SPMAP2L: variants seen among roughly 807,000 people sequenced by gnomAD.
SPMAP2L encodes sperm microtubule associated protein 2-like.
the SPMAP2L span, among the ~76,000 whole-genome samples, chr4:56,624,839 C>A: frequency 6.6e-6 from 1 of 152,182 alleles, no homozygotes; most frequent in East Asian, 1.9e-4. Flanking sequence ...TCTTCTAGGG[C>A]AGTGTGGAAG....
chr4:56,594,250 A>T, the SPMAP2L span: 9 of 1,591,632 alleles, frequency 5.7e-6, no homozygotes, highest in Non-Finnish European at 7.8e-6. Flanking sequence ...ACCACTCTGA[A>T]ACAAATATTG....
the SPMAP2L span, among the ~76,000 whole-genome samples, chr4:56,534,511 T>A: frequency 6.6e-6 from 1 of 152,226 alleles, no homozygotes; most frequent in Admixed American, 6.5e-5. Flanking sequence ...ATCAGTTCCA[T>A]GGCCTTAACT....
At chr4:56,584,409 G>T in the SPMAP2L span, 3 of 769,542 alleles carry the variant, frequency 3.9e-6, no homozygotes, top group East Asian at 2.7e-5. Flanking sequence ...GTATATAATC[G>T]ATTAGAAGTT....
chr4:56,548,237 G>GT, the SPMAP2L span, among the ~76,000 whole-genome samples: 78,180 of 151,500 alleles, frequency 0.52, 21,040 homozygotes, highest in Middle Eastern at 0.63. Context: ...TTCTCTTTCT[G>GT]TTTTTTTTAC....
chr4:56,589,050 G>A, the SPMAP2L span, among the ~76,000 whole-genome samples: 18 of 151,932 alleles, frequency 1.2e-4, no homozygotes, highest in East Asian at 2.3e-3. Context: ...GTGCAGTGGC[G>A]CAATCTCAGC....
At chr4:56,612,660 C>T in the SPMAP2L span, among the ~76,000 whole-genome samples, 12 of 152,026 alleles carry the variant, frequency 7.9e-5, no homozygotes, top group East Asian at 1.9e-4. Context: ...CTCCACCGCC[C>T]GGGTTCAAGC....
chr4:56,599,392 AT>A, the SPMAP2L span, among the ~76,000 whole-genome samples: 13 of 151,948 alleles, frequency 8.6e-5, no homozygotes, highest in Admixed American at 6.6e-4. Flanking sequence ...TTATTTTTTA[AT>A]TTTTTTCACT....
chr4:56,556,692 C>T, the SPMAP2L span, among the ~76,000 whole-genome samples: 7 of 151,604 alleles, frequency 4.6e-5, no homozygotes, highest in Non-Finnish European at 7.4e-5. Context: ...GCCAACATGG[C>T]GAAACCCCAT....
the SPMAP2L span, among the ~76,000 whole-genome samples, chr4:56,539,240 G>A: frequency 6.6e-6 from 1 of 152,136 alleles, no homozygotes; most frequent in Non-Finnish European, 1.5e-5. Context: ...TAGGTAGTGA[G>A]CTGTAGATGA....
At chr4:56,574,270 T>A in the SPMAP2L span, among the ~76,000 whole-genome samples, 1 of 152,024 alleles carries the variant, frequency 6.6e-6, no homozygotes, top group African/African-American at 2.4e-5. Context: ...TATAAAAAAA[T>A]TAGCCCAGCA....
chr4:56,590,935 C>T, the SPMAP2L span, among the ~76,000 whole-genome samples: 9 of 152,226 alleles, frequency 5.9e-5, no homozygotes, highest in African/African-American at 2.2e-4. Context: ...TGAATGTTAC[C>T]TCTACATCTT....
At chr4:56,592,944 C>G in the SPMAP2L span, 6 of 1,604,558 alleles carry the variant, frequency 3.7e-6, no homozygotes, top group Non-Finnish European at 5.1e-6. Context: ...AAGACGGTCC[C>G]TGCCAACATC....
chr4:56,577,154 C>T, the SPMAP2L span, among the ~76,000 whole-genome samples: 1 of 150,312 alleles, frequency 6.7e-6, no homozygotes, highest in Non-Finnish European at 1.5e-5. Flanking sequence ...CCTGTAATCC[C>T]AGCACTTTGG....
chr4:56,584,679 T>A, the SPMAP2L span: 1 of 1,074,948 alleles, frequency 9.3e-7, no homozygotes, highest in Non-Finnish European at 1.4e-6. Context: ...CCTCTTTTTC[T>A]AGATGTGTTT....
At chr4:56,563,003 G>A in the SPMAP2L span, among the ~76,000 whole-genome samples, 1 of 150,362 alleles carries the variant, frequency 6.7e-6, no homozygotes, top group African/African-American at 2.4e-5. Flanking sequence ...ATGAACTTGT[G>A]CATGAAACTT....
chr4:56,571,482 GT>G, the SPMAP2L span, among the ~76,000 whole-genome samples: 1 of 151,724 alleles, frequency 6.6e-6, no homozygotes, highest in Non-Finnish European at 1.5e-5. Context: ...CTGGTTAATT[GT>G]TTTGGATTTT....
the SPMAP2L span, among the ~76,000 whole-genome samples, chr4:56,549,483 A>G: frequency 6.6e-6 from 1 of 152,184 alleles, no homozygotes; most frequent in Non-Finnish European, 1.5e-5. Flanking sequence ...CTTTTCAAGA[A>G]AGTACCCTTT....
chr4:56,583,875 G>T, the SPMAP2L span, among the ~76,000 whole-genome samples: 1 of 152,008 alleles, frequency 6.6e-6, no homozygotes, highest in African/African-American at 2.4e-5. Flanking sequence ...AAAAATTAGA[G>T]TGCATTGTAT....
chr4:56,583,867 A>G, the SPMAP2L span, among the ~76,000 whole-genome samples: 108 of 152,348 alleles, frequency 7.1e-4, no homozygotes, highest in Non-Finnish European at 4.1e-4. Context: ...TAAAATTTAA[A>G]AATTAGAGTG....
Sources: gnomAD v4.1 joint callset for allele counts (sites outside exome capture counted in the v4.1 genomes callset) on GRCh38, gnomAD v4.1.1 for gene constraint, MANE v1.5 for transcripts, NCBI Gene and HGNC (gene_info 2026-07-23, HGNC 2026-07-21) for gene names.